Variants in FARS2 observed in about 807,000 individuals in gnomAD.
The protein encoded by FARS2 is phenylalanyl-tRNA synthetase 2, mitochondrial.
FARS2 carries 40 observed loss-of-function variants against 46.4 expected under a neutral mutation model. That is an observed-to-expected ratio of 0.86 (90% CI 0.67 to 1.12). The LOEUF (loss-of-function observed/expected upper bound fraction) is 1.12, where lower values mean the gene tolerates loss of function less well. Among genes scored for constraint, FARS2 ranks in the 50% most tolerant of loss-of-function variants. The probability of loss-of-function intolerance (pLI) is 0.00; values close to 1 mark genes in which losing one functional copy is unlikely to be tolerated. For synonymous variants in FARS2, 234 were observed against 214.9 expected (o/e 1.09, Z -0.78); for missense variants, 513 against 567.9 (o/e 0.90, Z 0.98).
chr6:5,623,231 T>A (rs1474729776), intron 6 of FARS2, among the ~76,000 whole-genome samples: 2 of 152,198 alleles, frequency 1.3e-5, no homozygotes, highest in African/African-American at 4.8e-5. Context: ...AGTGTCATAG[T>A]CAATCTAACT....
intron 3 of FARS2, among the ~76,000 whole-genome samples, chr6:5,407,729 C>T (rs1400367832): frequency 1.3e-4 from 19 of 151,838 alleles, no homozygotes; most frequent in Non-Finnish European, 5.9e-5. Context: ...ATTAAAATGG[C>T]GTAATATAAT....
At chr6:5,448,103 G>C (rs1298880681) in intron 4 of FARS2, among the ~76,000 whole-genome samples, 2 of 152,172 alleles carry the variant, frequency 1.3e-5, no homozygotes, top group Non-Finnish European at 2.9e-5. Context: ...GTGTGGTTGG[G>C]GTAGCCTAGG....
At chr6:5,254,130 C>T in the FARS2 span, among the ~76,000 whole-genome samples, 2 of 152,182 alleles carry the variant, frequency 1.3e-5, no homozygotes, top group Non-Finnish European at 2.9e-5. Context: ...GCACTGAAAA[C>T]GGCAATGCCT....
At chr6:5,493,078 C>T (rs766764812) in intron 4 of FARS2, among the ~76,000 whole-genome samples, 11 of 151,908 alleles carry the variant, frequency 7.2e-5, no homozygotes, top group South Asian at 2.1e-4. Flanking sequence ...GCTTATTGGC[C>T]GGTGCCTGTA....
In FARS2 at chr6:5,411,783, T is replaced by C. The variant is rs115508177; in HGVS notation, c.772+7082T>C. On this transcript the variant is annotated intron_variant, in intron 3 of 6. Transcript: ENST00000274680. ...ATAAGAAAGGTTATCATTTTAGAAT[T>C]AGAAAGAAATAAAATAACTCTTTAG... is the stretch of plus-strand genomic sequence containing the variant. Among the ~76,000 whole-genome samples, 216 of 152,328 alleles carry C rather than the reference T, an allele frequency of 1.4e-3. 1 individual carries two copies. Among genetic ancestry groups the C allele is most frequent in the Middle Eastern group, 6.8e-3 (2 of 294 alleles).
chr6:5,656,399 G>A (rs1275603634), intron 6 of FARS2, among the ~76,000 whole-genome samples: 1 of 152,196 alleles, frequency 6.6e-6, no homozygotes, highest in Non-Finnish European at 1.5e-5. Flanking sequence ...AGTGTTTGTA[G>A]AGGAGAGGAA....
intron 2 of FARS2, among the ~76,000 whole-genome samples, chr6:5,392,440 CT>C (rs1212873932): frequency 6.6e-6 from 1 of 152,046 alleles, no homozygotes; most frequent in African/African-American, 2.4e-5. Context: ...TAATAATTTT[CT>C]AAAAATAGCC....
chr6:5,470,486 C>T (rs1034158814), intron 4 of FARS2, among the ~76,000 whole-genome samples: 1 of 152,236 alleles, frequency 6.6e-6, no homozygotes. Flanking sequence ...ACACCAAACT[C>T]GTATTTCCAG....
chr6:5,728,127 C>T (rs1252252921), intron 6 of FARS2, among the ~76,000 whole-genome samples: 1 of 152,176 alleles, frequency 6.6e-6, no homozygotes, highest in African/African-American at 2.4e-5. Flanking sequence ...ACAGTGTCTG[C>T]CTCCTTTGTT....
At chr6:5,328,485 G>A (rs1275164388) in intron 1 of FARS2, among the ~76,000 whole-genome samples, 1 of 152,176 alleles carries the variant, frequency 6.6e-6, no homozygotes, top group Non-Finnish European at 1.5e-5. Flanking sequence ...TTGAGATTCA[G>A]AAGACGCAGG....
intron 6 of FARS2, among the ~76,000 whole-genome samples, chr6:5,654,064 G>A (rs1021352528): frequency 6.6e-6 from 1 of 152,164 alleles, no homozygotes; most frequent in Non-Finnish European, 1.5e-5. Context: ...ATCACTAGTA[G>A]AGTCAGCAGT....
chr6:5,566,513 GCCT>G, intron 5 of FARS2, among the ~76,000 whole-genome samples: 1 of 152,236 alleles, frequency 6.6e-6, no homozygotes, highest in East Asian at 1.9e-4. Flanking sequence ...GGTTTGTGAT[GCCT>G]CCTCTGTTTT....
chr6:5,712,291 G>C (rs1288666822), intron 6 of FARS2, among the ~76,000 whole-genome samples: 2 of 152,150 alleles, frequency 1.3e-5, no homozygotes, highest in African/African-American at 4.8e-5. Context: ...AAAAACCTGA[G>C]TTACTTCATT....
At chr6:5,622,554 C>T (rs1020202010) in intron 6 of FARS2, among the ~76,000 whole-genome samples, 6 of 152,132 alleles carry the variant, frequency 3.9e-5, no homozygotes, top group African/African-American at 1.4e-4. Context: ...GGGATTCGTG[C>T]CCTTATAGAA....
intron 2 of FARS2, among the ~76,000 whole-genome samples, chr6:5,390,275 T>A (rs1445017766): frequency 6.6e-6 from 1 of 152,246 alleles, no homozygotes; most frequent in African/African-American, 2.4e-5. Flanking sequence ...AAGCCCATGC[T>A]TGGCCCCAGA....
At chr6:5,441,956 G>A (rs1427227314) in intron 4 of FARS2, among the ~76,000 whole-genome samples, 1 of 152,058 alleles carries the variant, frequency 6.6e-6, no homozygotes, top group Non-Finnish European at 1.5e-5. Context: ...AGTATCTCTA[G>A]CTGAGCTTGG....
intron 4 of FARS2, among the ~76,000 whole-genome samples, chr6:5,447,185 G>A (rs1346581790): frequency 2.0e-5 from 3 of 152,124 alleles, no homozygotes; most frequent in African/African-American, 4.8e-5. Context: ...GAGAACAGGC[G>A]AATTGTCTAG....
chr6:5,680,939 A>G (rs915756007), intron 6 of FARS2, among the ~76,000 whole-genome samples: 1 of 152,242 alleles, frequency 6.6e-6, no homozygotes, highest in Non-Finnish European at 1.5e-5. Context: ...TAAAATAATG[A>G]TTCCATTTTT....
At chr6:5,366,251 C>A (rs921467812) in intron 1 of FARS2, among the ~76,000 whole-genome samples, 1 of 152,190 alleles carries the variant, frequency 6.6e-6, no homozygotes, top group East Asian at 1.9e-4. Flanking sequence ...ACAATACTTA[C>A]ATCACAGAAC....
Sources: allele counts gnomAD v4.1 joint callset (sites outside exome capture counted in the v4.1 genomes callset), GRCh38; gene constraint gnomAD v4.1.1; transcripts MANE v1.5; gene names NCBI Gene and HGNC (gene_info 2026-07-23, HGNC 2026-07-21).